TENM4: variants seen among roughly 807,000 people sequenced by gnomAD.
TENM4 encodes teneurin transmembrane protein 4.
Under a neutral mutation model 243.3 loss-of-function variants are expected in TENM4, and 82 were observed. The ratio of observed to expected loss-of-function variants is 0.34; its 90% CI spans 0.28 to 0.40. The LOEUF is 0.40. Among genes scored for constraint, TENM4 ranks in the 10% least tolerant of loss-of-function variants. The pLI, the probability that TENM4 is intolerant of heterozygous loss-of-function variation, is 1.00. For missense variants in TENM4, 3,138 were observed against 3,673.3 expected (o/e 0.85, Z 3.77); for synonymous variants, 1,412 against 1,456.3 (o/e 0.97, Z 0.69).
chr11:79,275,870 G>C (rs2135353718), intron 2 of TENM4, among the ~76,000 whole-genome samples: 1 of 152,334 alleles, frequency 6.6e-6, no homozygotes, highest in South Asian at 2.1e-4. Flanking sequence ...TCCAGCCTAA[G>C]ACCCTAGCAG....
chr11:79,151,583 G>A (rs543791852), intron 3 of TENM4, among the ~76,000 whole-genome samples: 6 of 152,206 alleles, frequency 3.9e-5, no homozygotes, highest in African/African-American at 7.2e-5. Flanking sequence ...GGACCTGGCC[G>A]GGGCGCTTTC....
intron 6 of TENM4, chr11:78,924,421 T>C (rs1856513988): frequency 1.3e-5 from 2 of 152,246 alleles, no homozygotes; most frequent in African/African-American, 4.8e-5. Context: ...AGTTTTCTGC[T>C]AATTACAGCC....
chr11:79,295,338 G>A (rs1856431362), intron 2 of TENM4, among the ~76,000 whole-genome samples: 1 of 152,146 alleles, frequency 6.6e-6, no homozygotes, highest in African/African-American at 2.4e-5. Context: ...CCTTTCAACA[G>A]AGCTTCGCCT....
At chr11:78,773,218 C>A (rs1856675223) in intron 17 of TENM4, among the ~76,000 whole-genome samples, 1 of 152,184 alleles carries the variant, frequency 6.6e-6, no homozygotes, top group South Asian at 2.1e-4. Context: ...TAAGATAAAG[C>A]CTCTTGTAAG....
chr11:79,335,626 T>C (rs1857135651), intron 1 of TENM4, among the ~76,000 whole-genome samples: 1 of 152,166 alleles, frequency 6.6e-6, no homozygotes, highest in African/African-American at 2.4e-5. Context: ...AGTGACTCTA[T>C]AAGCACTGAG....
At chr11:79,206,856 T>C (rs557650314) in intron 3 of TENM4, among the ~76,000 whole-genome samples, 3 of 152,322 alleles carry the variant, frequency 2.0e-5, no homozygotes, top group Admixed American at 2.0e-4. Flanking sequence ...CCTCACCATG[T>C]AGCTTTAACC....
At chr11:79,241,901 G>A (rs751351423) in intron 2 of TENM4, among the ~76,000 whole-genome samples, 12 of 152,220 alleles carry the variant, frequency 7.9e-5, no homozygotes, top group Non-Finnish European at 1.5e-4. Context: ...TATATGGAAG[G>A]TGGCAGGTGG....
At chr11:79,154,637 T>C (rs1454700905) in intron 3 of TENM4, among the ~76,000 whole-genome samples, 1 of 152,136 alleles carries the variant, frequency 6.6e-6, no homozygotes, top group Non-Finnish European at 1.5e-5. Flanking sequence ...AAGGAGTAAG[T>C]GCCGTCCCCA....
chr11:79,364,302 C>G (rs928466848), intron 1 of TENM4, among the ~76,000 whole-genome samples: 1 of 152,124 alleles, frequency 6.6e-6, no homozygotes, highest in Non-Finnish European at 1.5e-5. Flanking sequence ...AATCTCAGCA[C>G]CCCCCGGCCC....
chr11:79,373,330 CTGGATGGA>C (rs1289784552), intron 1 of TENM4, among the ~76,000 whole-genome samples: 17 of 96,136 alleles, frequency 1.8e-4, no homozygotes, highest in African/African-American at 6.3e-4. Context: ...GGCTGGCTGG[CTGGATGGA>C]TGGATGGATG....
intron 6 of TENM4, among the ~76,000 whole-genome samples, chr11:79,003,412 G>A (rs1024629463): frequency 6.6e-6 from 1 of 151,756 alleles, no homozygotes; most frequent in African/African-American, 2.4e-5. Flanking sequence ...GGAAGGGGAA[G>A]GTCTCCTACA....
At chr11:79,192,286 A>G (rs1395639119) in intron 3 of TENM4, among the ~76,000 whole-genome samples, 1 of 152,236 alleles carries the variant, frequency 6.6e-6, no homozygotes, top group African/African-American at 2.4e-5. Context: ...CTCATTGAGA[A>G]TGGGCCATGA....
chr11:79,228,505 C>T (rs1267209044), intron 2 of TENM4, among the ~76,000 whole-genome samples: 4 of 152,140 alleles, frequency 2.6e-5, no homozygotes, highest in African/African-American at 9.7e-5. Flanking sequence ...ACTTGCTTGC[C>T]ACCTCGCCAT....
chr11:79,267,101 G>A (rs1243400525), intron 2 of TENM4, among the ~76,000 whole-genome samples: 1 of 152,124 alleles, frequency 6.6e-6, no homozygotes, highest in South Asian at 2.1e-4. Flanking sequence ...CACAAAGTGA[G>A]ACCTGTTTGT....
At chr11:78,716,997 C>T (rs535709095) in intron 25 of TENM4, among the ~76,000 whole-genome samples, 4 of 152,294 alleles carry the variant, frequency 2.6e-5, no homozygotes, top group Non-Finnish European at 2.9e-5. Flanking sequence ...TTCCTGGAAA[C>T]GGACCATGTC....
At chr11:79,258,203 T>C (rs568071388) in intron 2 of TENM4, among the ~76,000 whole-genome samples, 22 of 152,296 alleles carry the variant, frequency 1.4e-4, no homozygotes, top group Non-Finnish European at 2.4e-4. Flanking sequence ...TGATGAGACC[T>C]TGGACAAGAT....
intron 12 of TENM4, among the ~76,000 whole-genome samples, chr11:78,821,194 T>C (rs1857722104): frequency 6.6e-6 from 1 of 152,244 alleles, no homozygotes; most frequent in Admixed American, 6.5e-5. Context: ...AGAAAGATTG[T>C]TTCCTTATTA....
intron 3 of TENM4, among the ~76,000 whole-genome samples, chr11:79,174,623 A>C (rs1328589290): frequency 6.6e-6 from 1 of 152,092 alleles, no homozygotes; most frequent in African/African-American, 2.4e-5. Flanking sequence ...AGCCAATGGG[A>C]GACTCTGGCA....
At chr11:78,782,681 G>A (rs1035176908) in intron 16 of TENM4, among the ~76,000 whole-genome samples, 1 of 151,984 alleles carries the variant, frequency 6.6e-6, no homozygotes, top group African/African-American at 2.4e-5. Context: ...CAGAAGAATT[G>A]CTTGAACCTG....
Sources: gnomAD v4.1 joint callset for allele counts (sites outside exome capture counted in the v4.1 genomes callset) on GRCh38, gnomAD v4.1.1 for gene constraint, MANE v1.5 for transcripts, NCBI Gene and HGNC (gene_info 2026-07-23, HGNC 2026-07-21) for gene names.